CD5: variants seen among roughly 807,000 people sequenced by gnomAD.
CD5 encodes CD5 molecule.
Under a neutral mutation model 60.3 loss-of-function variants are expected in CD5, and 36 were observed. That is an observed-to-expected ratio of 0.60 (90% confidence interval 0.46 to 0.79). CD5 has a LOEUF of 0.79. Among genes scored for constraint, CD5 ranks in the 30% least tolerant of loss-of-function variants. CD5 has a pLI of 0.00. For synonymous variants in CD5, 230 were observed against 257.6 expected (o/e 0.89, Z 1.03); for missense variants, 540 against 630.6 (o/e 0.86, Z 1.54).
intron 1 of CD5, among the ~76,000 whole-genome samples, chr11:61,107,923 T>C (rs1015227118): frequency 2.6e-5 from 4 of 152,018 alleles, no homozygotes; most frequent in Non-Finnish European, 5.9e-5. Context: ...CTGGCCCCAG[T>C]TTCCCCCATC....
At chr11:61,125,310 G>A (rs1313441297) in intron 9 of CD5, among the ~76,000 whole-genome samples, 159 bp downstream of exon 9, 1 of 152,212 alleles carries the variant, frequency 6.6e-6, no homozygotes, top group Non-Finnish European at 1.5e-5. Flanking sequence ...GCAGGGGTAC[G>A]GAAGGGATAT....
At chr11:61,101,635 TCA>T (rs762160362), upstream of CD5, among the ~76,000 whole-genome samples, 13 of 134,762 alleles carry the variant, frequency 9.6e-5, no homozygotes, top group East Asian at 9.0e-4. Context: ...AACATGGAGA[TCA>T]CACACACACA....
intron 1 of CD5, among the ~76,000 whole-genome samples, chr11:61,111,269 CTGGGAGCAGAGAGCAT>C (rs1860851518): frequency 6.6e-6 from 1 of 152,148 alleles, no homozygotes. Context: ...AATTGGGTGG[CTGGGAGCAGAGAGCAT>C]GGGTTTTGGA....
chr11:61,124,733 G>A (rs367877351), intron 8 of CD5, among the ~76,000 whole-genome samples: 23 of 151,830 alleles, frequency 1.5e-4, no homozygotes, highest in African/African-American at 4.8e-4. Context: ...GATCTGTCCC[G>A]TCACCTGTGC....
At chr11:61,094,179 C>G in the CD5 span, among the ~76,000 whole-genome samples, 60,885 of 150,886 alleles carry the variant, frequency 0.4, 13,649 homozygotes, top group East Asian at 0.92. Context: ...CACGGATCCT[C>G]AGAGCGCTCC....
chr11:61,123,778 T>G (rs1861103888), intron 7 of CD5, 106 bp from the exon 8 acceptor site: 1 of 871,418 alleles, frequency 1.1e-6, no homozygotes, highest in East Asian at 2.6e-5. Context: ...CAGCTGCACC[T>G]GCCGCCACCA....
chr11:61,105,521 A>G (rs1159159134), intron 1 of CD5, among the ~76,000 whole-genome samples: 5 of 152,194 alleles, frequency 3.3e-5, no homozygotes, highest in Non-Finnish European at 7.3e-5. Flanking sequence ...AGTACTCAAT[A>G]AACAATAATA....
chr11:61,101,681 G>A (rs976532345), upstream of CD5, among the ~76,000 whole-genome samples: 12 of 145,226 alleles, frequency 8.3e-5, no homozygotes, highest in African/African-American at 2.6e-4. Flanking sequence ...TCAACATGGC[G>A]ATCACAATCA....
In CD5 at chr11:61,125,779, C is replaced by A; in HGVS notation, c.1428C>A (p.Ser476=). The change falls in exon 10 of 11, where the codon TCC becomes TCA. Residue 476 remains serine, a synonymous_variant. Transcript: ENST00000347785. ...PALEGALHRS[S]MQPDNSSDSD... is the part of the protein sequence containing the mutation. ...TGGAAGGGGCTCTGCATCGCTCCTC[C>A]ATGCAGCCTGACAACTCCTCCGACA... is the stretch of plus-strand genomic sequence containing the variant. The A allele has an allele frequency of 6.2e-7, 1 of 1,612,386 alleles. No individual in the cohort carries two copies. Among genetic ancestry groups the A allele is most frequent in the South Asian group, 1.1e-5 (1 of 90,900 alleles).
At chr11:61,106,467 G>T (rs756088436) in intron 1 of CD5, among the ~76,000 whole-genome samples, 6 of 152,172 alleles carry the variant, frequency 3.9e-5, no homozygotes, top group Admixed American at 1.3e-4. Context: ...GCTGGGCGAG[G>T]CCCTGGTTGG....
chr11:61,125,217 G>C, intron 9 of CD5, 66 bp downstream of exon 9: 1 of 1,590,910 alleles, frequency 6.3e-7, no homozygotes, highest in South Asian at 1.1e-5. Flanking sequence ...GGCAGGTCAC[G>C]TGATGCCCTT....
At chr11:61,117,411 T>C (rs1009609336) in intron 2 of CD5, among the ~76,000 whole-genome samples, 1 of 152,208 alleles carries the variant, frequency 6.6e-6, no homozygotes, top group African/African-American at 2.4e-5. Context: ...GGTGGTTACA[T>C]GCATGTATAC....
upstream of CD5, among the ~76,000 whole-genome samples, chr11:61,098,629 GC>G (rs1860614253): frequency 6.6e-6 from 1 of 152,062 alleles, no homozygotes; most frequent in African/African-American, 2.4e-5. Flanking sequence ...AGTGCATGCA[GC>G]CCCCAGTCAT....
chr11:61,103,994 C>A (rs1283768630), intron 1 of CD5, among the ~76,000 whole-genome samples: 1 of 88,612 alleles, frequency 1.1e-5, no homozygotes, highest in African/African-American at 4.5e-5. Flanking sequence ...TGAGTCTGTG[C>A]GTGTGAGTCT....
chr11:61,114,718 T>C (rs908103256), intron 1 of CD5, among the ~76,000 whole-genome samples: 1 of 152,170 alleles, frequency 6.6e-6, no homozygotes, highest in Non-Finnish European at 1.5e-5. Context: ...TAGGGAGTAA[T>C]GGAACTGGTG....
In CD5 at chr11:61,113,204, G is replaced by C. The variant is rs544889497; in HGVS notation, c.56-1852G>C. ...TCCAAGAGTAAACCCAAGTCGGACAGATGGAAATCAAAATACCGTACTTGC... is the reference window on the plus strand; with the variant it reads ...TCCAAGAGTAAACCCAAGTCGGACACATGGAAATCAAAATACCGTACTTGC... On this transcript the variant is annotated intron_variant, in intron 1 of 10. Transcript: ENST00000347785. Among the ~76,000 whole-genome samples, 4 of 152,364 alleles carry C rather than the reference G, an allele frequency of 2.6e-5. No individual in the cohort carries two copies. In the East Asian group the frequency reaches 5.8e-4, roughly 22 times the overall value.
At chr11:61,117,810 T>G (rs1860987182) in intron 2 of CD5, among the ~76,000 whole-genome samples, 1 of 152,154 alleles carries the variant, frequency 6.6e-6, no homozygotes, top group Admixed American at 6.5e-5. Flanking sequence ...AAAATTAATT[T>G]TTAAAGATCT....
intron 1 of CD5, among the ~76,000 whole-genome samples, chr11:61,103,767 T>C (rs1176402882): frequency 8.4e-6 from 1 of 119,550 alleles, no homozygotes. Context: ...TCTCTGGGCA[T>C]GTGTGTGAGT....
Position 61,119,289 on chromosome 11 carries a change from G to A in CD5, c.519G>A (p.Val173=). ...CTGGCGGCCAGCACTGTGCCGGCGT[G>A]GTGGAGTTCTACAGCGGCAGCCTGG... ...AQSGGQHCAG[V]VEFYSGSLGG... is the part of the protein sequence containing the mutation. Residue 173 remains valine, a synonymous_variant, in exon 5 of 11, where the codon GTG becomes GTA. Coordinates refer to ENST00000347785, the MANE Select transcript of CD5 (RefSeq NM_014207.4). The A allele has an allele frequency of 6.2e-7, 1 of 1,613,622 alleles. No homozygotes were observed. Among genetic ancestry groups the A allele is most frequent in the Non-Finnish European group, 8.5e-7 (1 of 1,179,998 alleles).
Sources: allele counts gnomAD v4.1 joint callset (sites outside exome capture counted in the v4.1 genomes callset), GRCh38; gene constraint gnomAD v4.1.1; transcripts MANE v1.5; gene names NCBI Gene and HGNC (gene_info 2026-07-23, HGNC 2026-07-21).